ANKS1B: variants seen among roughly 807,000 people sequenced by gnomAD.
ANKS1B encodes ankyrin repeat and sterile alpha motif domain-containing protein 1B.
In ANKS1B, 36 loss-of-function variants were observed where a neutral mutation model predicts 148.3. The ratio of observed to expected loss-of-function variants is 0.24; its 90% CI spans 0.19 to 0.32. The LOEUF (loss-of-function observed/expected upper bound fraction) is 0.32. ANKS1B is among the 10% of genes least tolerant of loss of function. The pLI is 1.00. For missense variants in ANKS1B, 1,157 were observed against 1,542.6 expected (o/e 0.75, Z 4.19); for synonymous variants, 542 against 560.8 (o/e 0.97, Z 0.47).
At chr12:99,534,706 TTTTC>T (rs1039497090) in intron 9 of ANKS1B, among the ~76,000 whole-genome samples, 148 of 146,088 alleles carry the variant, frequency 1.0e-3, no homozygotes, top group African/African-American at 3.4e-3. Flanking sequence ...TTCTTTTTTC[TTTTC>T]TTTTTTTTTT....
At chr12:99,154,243 CAA>C (rs2075663827) in intron 15 of ANKS1B, 44 bp downstream of exon 15, 4 of 1,607,796 alleles carry the variant, frequency 2.5e-6, no homozygotes, top group Admixed American at 1.7e-5. Context: ...ACATAAGAAG[CAA>C]AGACAGACAA....
chr12:99,849,961 T>A (rs752135438), intron 1 of ANKS1B, among the ~76,000 whole-genome samples: 3 of 152,058 alleles, frequency 2.0e-5, no homozygotes, highest in Non-Finnish European at 4.4e-5. Flanking sequence ...TCTCTGTGGG[T>A]TTATTTAAAC....
At chr12:98,752,136 G>C (rs151328138) in intron 25 of ANKS1B, among the ~76,000 whole-genome samples, 2 of 152,200 alleles carry the variant, frequency 1.3e-5, no homozygotes, top group South Asian at 4.2e-4. Flanking sequence ...CCAAACCAAC[G>C]TACTTCTTAC....
At chr12:99,479,963 A>G (rs149327078) in intron 10 of ANKS1B, among the ~76,000 whole-genome samples, 36 of 152,042 alleles carry the variant, frequency 2.4e-4, no homozygotes, top group African/African-American at 8.4e-4. Context: ...TATCCATTCC[A>G]TTATGTATAC....
intron 22 of ANKS1B, among the ~76,000 whole-genome samples, chr12:98,783,737 G>A (rs2098760455): frequency 6.6e-6 from 1 of 152,164 alleles, no homozygotes; most frequent in Non-Finnish European, 1.5e-5. Context: ...GTGGAGATGA[G>A]AGTGGTAGAG....
chr12:99,773,294 T>C (rs1294679651), intron 7 of ANKS1B, among the ~76,000 whole-genome samples: 1 of 152,182 alleles, frequency 6.6e-6, no homozygotes, highest in Non-Finnish European at 1.5e-5. Flanking sequence ...TTGCCTATTT[T>C]TATTCTTTTT....
intron 17 of ANKS1B, among the ~76,000 whole-genome samples, chr12:98,987,868 T>C (rs186706684): frequency 8.8e-4 from 134 of 152,254 alleles, no homozygotes; most frequent in Non-Finnish European, 1.7e-3. Flanking sequence ...TGGACAGCAA[T>C]AAGTTTCTGA....
intron 1 of ANKS1B, among the ~76,000 whole-genome samples, chr12:99,884,479 T>TA (rs2153742013): frequency 6.6e-6 from 1 of 152,246 alleles, no homozygotes; most frequent in East Asian, 1.9e-4. Context: ...TATTCATAAA[T>TA]AAAAAATGCA....
At chr12:99,102,828 G>C (rs562770371) in intron 15 of ANKS1B, among the ~76,000 whole-genome samples, 1 of 152,310 alleles carries the variant, frequency 6.6e-6, no homozygotes, top group East Asian at 1.9e-4. Context: ...GGGAGGCTGA[G>C]ATGGGAGGGA....
intron 1 of ANKS1B, among the ~76,000 whole-genome samples, chr12:99,892,800 C>T (rs940007650): frequency 3.3e-5 from 5 of 152,132 alleles, no homozygotes; most frequent in Non-Finnish European, 5.9e-5. Flanking sequence ...ATCCAAGCTA[C>T]GGTTGAGGGT....
intron 17 of ANKS1B, among the ~76,000 whole-genome samples, chr12:98,853,683 G>A (rs935444218): frequency 3.3e-5 from 5 of 152,164 alleles, no homozygotes; most frequent in African/African-American, 1.2e-4. Context: ...ACTGCACTCT[G>A]TCATTTTTCA....
At position 99,397,452 on chromosome 12, in the gene ANKS1B, C is replaced by T. The variant is rs73372079; in HGVS notation, c.1756+2179G>A. ...TATTGCAGCTTACATTCTAGAAAGA[C>T]GACAAGAAATAAGTAAAGAAGTAAC... On this transcript the variant is annotated intron_variant, in intron 12 of 26. Transcript: ENST00000683438. Among the ~76,000 whole-genome samples the T allele has an allele frequency of 5.9e-5, 9 of 151,800 alleles. No homozygotes were observed. The South Asian group carries it at 8.3e-4, about 14-fold the overall frequency.
At chr12:99,444,040 G>T (rs914238361) in intron 10 of ANKS1B, among the ~76,000 whole-genome samples, 3 of 151,936 alleles carry the variant, frequency 2.0e-5, no homozygotes, top group African/African-American at 7.2e-5. Flanking sequence ...TCTGAGACAA[G>T]TGTATTATTA....
intron 15 of ANKS1B, among the ~76,000 whole-genome samples, chr12:99,134,743 C>T (rs111736723): frequency 2.1e-4 from 32 of 150,560 alleles, no homozygotes; most frequent in African/African-American, 7.3e-4. Flanking sequence ...GGAAGTAAGG[C>T]TAACTCTCTA....
chr12:99,748,167 TG>T (rs1399344545), intron 8 of ANKS1B, among the ~76,000 whole-genome samples: 2 of 152,106 alleles, frequency 1.3e-5, no homozygotes, highest in African/African-American at 4.8e-5. Flanking sequence ...TTCATTTATT[TG>T]GGTGCCACAA....
chr12:99,187,789 G>A (rs761973879), intron 14 of ANKS1B, among the ~76,000 whole-genome samples: 28 of 151,994 alleles, frequency 1.8e-4, no homozygotes, highest in Non-Finnish European at 3.2e-4. Flanking sequence ...ATCAACTAAT[G>A]GGCAAAATAA....
chr12:98,769,416 G>A (rs12229507), intron 25 of ANKS1B, among the ~76,000 whole-genome samples: 73,816 of 151,734 alleles, frequency 0.49, 18,562 homozygotes, highest in East Asian at 0.74. Context: ...CTGTTCACCT[G>A]GAGAAGATTA....
intron 14 of ANKS1B, among the ~76,000 whole-genome samples, chr12:99,225,113 C>G (rs1198269350): frequency 6.6e-6 from 1 of 152,080 alleles, no homozygotes; most frequent in African/African-American, 2.4e-5. Context: ...CACTGTATAC[C>G]TGGCTATATA....
intron 9 of ANKS1B, among the ~76,000 whole-genome samples, chr12:99,543,726 T>A (rs2097148161): frequency 1.3e-5 from 2 of 152,036 alleles, no homozygotes; most frequent in African/African-American, 4.8e-5. Context: ...TTAAAAACAT[T>A]ATGCTAAGTG....
Sources: gnomAD v4.1 joint callset for allele counts (sites outside exome capture counted in the v4.1 genomes callset) on GRCh38, gnomAD v4.1.1 for gene constraint, MANE v1.5 for transcripts, NCBI Gene and HGNC (gene_info 2026-07-23, HGNC 2026-07-21) for gene names.